PTPRM: variants seen among roughly 807,000 people sequenced by gnomAD.
The protein encoded by PTPRM is receptor-type tyrosine-protein phosphatase mu.
A neutral mutation model predicts 186.7 loss-of-function variants in PTPRM; 47 were observed. The ratio of observed to expected loss-of-function variants is 0.25; its 90% CI spans 0.20 to 0.32. The LOEUF (loss-of-function observed/expected upper bound fraction) is 0.32, where lower values mean the gene tolerates loss of function less well. PTPRM is among the 10% of genes least tolerant of loss of function. The pLI is 1.00. For missense variants in PTPRM, 1,494 were observed against 1,865.0 expected (o/e 0.80, Z 3.66); for synonymous variants, 668 against 674.9 (o/e 0.99, Z 0.16).
intron 5 of PTPRM, among the ~76,000 whole-genome samples, chr18:7,941,584 G>A (rs891665810): frequency 4.6e-5 from 7 of 152,096 alleles, no homozygotes; most frequent in Non-Finnish European, 7.4e-5. Flanking sequence ...CTCATATATT[G>A]TCACCTGTTC....
chr18:7,960,935 C>T (rs1013450030), intron 7 of PTPRM, among the ~76,000 whole-genome samples: 4 of 152,046 alleles, frequency 2.6e-5, no homozygotes, highest in African/African-American at 7.2e-5. Context: ...ACCATCTTAA[C>T]GAGTTTTAAG....
chr18:7,927,531 G>A (rs1026347015), intron 5 of PTPRM, among the ~76,000 whole-genome samples: 7 of 151,354 alleles, frequency 4.6e-5, no homozygotes, highest in African/African-American at 1.7e-4. Flanking sequence ...GAGTTGAACT[G>A]TCCTTCGGGT....
At chr18:8,147,972 C>T (rs557540680) in intron 14 of PTPRM, among the ~76,000 whole-genome samples, 2 of 152,158 alleles carry the variant, frequency 1.3e-5, no homozygotes, top group South Asian at 2.1e-4. Context: ...GTTGAACCAG[C>T]CTTGCATCCC....
chr18:7,601,418 C>T (rs1353891511), intron 1 of PTPRM, among the ~76,000 whole-genome samples: 1 of 152,210 alleles, frequency 6.6e-6, no homozygotes, highest in African/African-American at 2.4e-5. Context: ...GAAATTTCTT[C>T]TCTCACAGTT....
chr18:7,907,472 G>A (rs556933470), intron 4 of PTPRM, among the ~76,000 whole-genome samples: 4 of 152,322 alleles, frequency 2.6e-5, no homozygotes, highest in East Asian at 1.9e-4. Flanking sequence ...AGCCAGCTGC[G>A]AGGACAAGGG....
intron 1 of PTPRM, among the ~76,000 whole-genome samples, chr18:7,773,213 C>T (rs1329782933): frequency 1.3e-5 from 2 of 151,934 alleles, no homozygotes; most frequent in South Asian, 2.1e-4. Flanking sequence ...CTTGTGTGGA[C>T]TGTAAGTGAA....
intron 2 of PTPRM, among the ~76,000 whole-genome samples, chr18:7,828,394 A>G (rs1210271815): frequency 6.6e-6 from 1 of 151,730 alleles, no homozygotes; most frequent in Non-Finnish European, 1.5e-5. Context: ...TCCTAATGCT[A>G]TCCCTCCCCG....
chr18:8,215,545 CTT>C (rs11334182), intron 14 of PTPRM, among the ~76,000 whole-genome samples: 43 of 116,326 alleles, frequency 3.7e-4, no homozygotes, highest in South Asian at 5.7e-4. Context: ...TCTTTCTTTT[CTT>C]TTTTTTTTTT....
Position 8,394,298 on chromosome 18 carries a change from C to T in PTPRM, c.4209-178C>T, listed in dbSNP as rs141107714. ...TCAGGTGACCTGTGGCCAAACACTG[C>T]GGATGGCTTGCTCTGTTTGCTTTAA... On this transcript the variant is annotated intron_variant, in intron 31 of 32. Coordinates refer to ENST00000580170, the MANE Select transcript of PTPRM (RefSeq NM_001105244.2). Among the ~76,000 whole-genome samples, 70 of 152,160 alleles carry T rather than the reference C, an allele frequency of 4.6e-4. 2 individuals carry two copies. The highest frequency in any genetic ancestry group is 2.5e-3 in the Admixed American group (38 of 15,286).
intron 14 of PTPRM, among the ~76,000 whole-genome samples, chr18:8,192,942 A>G (rs952282227): frequency 6.6e-6 from 1 of 152,210 alleles, no homozygotes; most frequent in Non-Finnish European, 1.5e-5. Context: ...ATACAGCTTC[A>G]CATTATGTCC....
chr18:8,325,222 G>C (rs1418823658), intron 22 of PTPRM, among the ~76,000 whole-genome samples: 1 of 152,124 alleles, frequency 6.6e-6, no homozygotes, highest in Non-Finnish European at 1.5e-5. Flanking sequence ...CAGGTAAACT[G>C]CATGTCATGA....
intron 10 of PTPRM, among the ~76,000 whole-genome samples, chr18:8,086,397 G>T (rs2090437284): frequency 6.6e-6 from 1 of 152,128 alleles, no homozygotes; most frequent in South Asian, 2.1e-4. Flanking sequence ...TCTAACAAAA[G>T]ACGTAATTTG....
intron 9 of PTPRM, among the ~76,000 whole-genome samples, chr18:8,082,015 C>A (rs558616880): frequency 2.6e-5 from 4 of 152,252 alleles, no homozygotes; most frequent in African/African-American, 9.6e-5. Flanking sequence ...GCTGGAACAA[C>A]AAGTCCCTTA....
intron 7 of PTPRM, among the ~76,000 whole-genome samples, chr18:8,056,465 C>A (rs113311940): frequency 0.052 from 7,906 of 151,994 alleles, 492 homozygotes; most frequent in African/African-American, 0.15. Flanking sequence ...CGACTCTAAA[C>A]TACAAAATTA....
intron 7 of PTPRM, among the ~76,000 whole-genome samples, chr18:7,960,480 T>TATATATATATACACAC (rs1300573371): frequency 3.1e-4 from 27 of 86,590 alleles, no homozygotes; most frequent in African/African-American, 1.0e-3. Context: ...TATATATATA[T>TATATATATATACACAC]ACACACACAC....
intron 8 of PTPRM, among the ~76,000 whole-genome samples, chr18:8,072,706 A>G (rs2148459455): frequency 6.6e-6 from 1 of 152,164 alleles, no homozygotes; most frequent in South Asian, 2.1e-4. Flanking sequence ...TTTTTTCATC[A>G]GAAATTGTGT....
At chr18:7,898,938 T>A (rs1019422667) in intron 3 of PTPRM, among the ~76,000 whole-genome samples, 1 of 152,236 alleles carries the variant, frequency 6.6e-6, no homozygotes, top group Non-Finnish European at 1.5e-5. Context: ...TTGGTCACAA[T>A]GTTTTTGTAA....
chr18:7,850,429 C>T (rs2046806825), intron 2 of PTPRM, among the ~76,000 whole-genome samples: 2 of 152,194 alleles, frequency 1.3e-5, no homozygotes, highest in South Asian at 2.1e-4. Flanking sequence ...GGCCAATATT[C>T]CAGGGAGAAG....
In PTPRM at chr18:7,567,931, C is replaced by G. The variant is rs781386567; in HGVS notation, c.73+40C>G. On this transcript the variant is annotated intron_variant, in intron 1 of 32. Transcript: ENST00000580170. This position sits in a 1 kb window ranked among gnomAD's most constrained non-coding sequence, Gnocchi z 4.3. Reference sequence around the variant, plus strand: ...CTCTGCCGCCCCCGAGGCGCGCGGGCCGGCGCGGGACGCCCGGGACGCCGA... The same window carrying G: ...CTCTGCCGCCCCCGAGGCGCGCGGGGCGGCGCGGGACGCCCGGGACGCCGA... 6.6e-7 allele frequency: 1 copy of G among 1,521,626 alleles called. No individual in the cohort carries two copies. The allele number at this position is 1,521,626 out of a possible 1,614,324, so 94.3% of individuals were successfully genotyped here. A position where few individuals can be genotyped will look rare whatever the true frequency, so the allele number is the denominator to read the frequency against.
Sources: gnomAD v4.1 joint callset for allele counts (sites outside exome capture counted in the v4.1 genomes callset) on GRCh38, gnomAD v4.1.1 for gene constraint, Gnocchi (gnomAD v3.1) non-coding constraint, MANE v1.5 for transcripts, NCBI Gene and HGNC (gene_info 2026-07-23, HGNC 2026-07-21) for gene names.